MAML2: variants seen among roughly 807,000 people sequenced by gnomAD.
The protein encoded by MAML2 is mastermind-like protein 2.
MAML2 carries 22 observed loss-of-function variants against 96.1 expected under a neutral mutation model. The ratio of observed to expected loss-of-function variants is 0.23; its 90% CI spans 0.16 to 0.33. The LOEUF is 0.33. Among genes scored for constraint, MAML2 ranks in the 10% least tolerant of loss-of-function variants. The pLI, the probability that MAML2 is intolerant of heterozygous loss-of-function variation, is 1.00. For synonymous variants in MAML2, 561 were observed against 521.3 expected, an observed-to-expected ratio of 1.08 and a Z score of -1.04; for missense variants, 1,367 against 1,392.4, an observed-to-expected ratio of 0.98 and a Z score of 0.29.
chr11:96,305,770 G>A (rs975505972), intron 1 of MAML2, among the ~76,000 whole-genome samples: 5 of 152,036 alleles, frequency 3.3e-5, no homozygotes, highest in Admixed American at 2.6e-4. Flanking sequence ...TTAGAAGTAC[G>A]GTAACTGGAA....
intron 1 of MAML2, among the ~76,000 whole-genome samples, chr11:96,302,618 T>C (rs1432314613): frequency 6.6e-6 from 1 of 152,214 alleles, no homozygotes; most frequent in Non-Finnish European, 1.5e-5. Context: ...ATTTTCCACT[T>C]CTTGCTATCT....
intron 2 of MAML2, among the ~76,000 whole-genome samples, chr11:96,067,908 A>AT (rs1260168829): frequency 1.3e-5 from 2 of 152,086 alleles, no homozygotes; most frequent in East Asian, 1.9e-4. Context: ...GAATTCTAAC[A>AT]TTTTTTTCCT....
chr11:96,296,000 T>A lies in MAML2; in HGVS notation c.513+45383A>T, dbSNP rs189868012. Among the ~76,000 whole-genome samples, 8 of 147,776 alleles carry A rather than the reference T, an allele frequency of 5.4e-5. No homozygotes were observed. In the East Asian group the frequency reaches 1.6e-3, roughly 29 times the overall value. On this transcript the variant is annotated intron_variant, in intron 1 of 4. Coordinates refer to ENST00000524717, the MANE Select transcript of MAML2 (RefSeq NM_032427.4). ...CACACGAAACTAATGTTTCAGCAAATAAAACTCCTACTGTATGCAGTACAT... is the reference window on the plus strand; with the variant it reads ...CACACGAAACTAATGTTTCAGCAAAAAAAACTCCTACTGTATGCAGTACAT...
chr11:96,159,645 C>G (rs915880590), intron 1 of MAML2, among the ~76,000 whole-genome samples: 1 of 151,996 alleles, frequency 6.6e-6, no homozygotes, highest in Middle Eastern at 3.2e-3. Context: ...AGGATGGTCT[C>G]GATCTCCTGA....
chr11:95,985,647 A>G lies in MAML2; in HGVS notation c.2344-5T>C, dbSNP rs753263931. ...ATCTTGTGGAGCAATTTTCTCCTTG[A>G]GAAATGATATGAAAGCATATTATGT... is the stretch of plus-strand genomic sequence containing the variant. On this transcript the variant is annotated splice_polypyrimidine_tract_variant and splice_region_variant and intron_variant, in intron 3 of 4. Coordinates refer to ENST00000524717, the MANE Select transcript of MAML2 (RefSeq NM_032427.4). 6.4e-7 allele frequency: 1 copy of G among 1,560,920 alleles called. No homozygotes were observed. The highest frequency in any genetic ancestry group is 1.1e-5 in the South Asian group (1 of 88,746).
intron 2 of MAML2, among the ~76,000 whole-genome samples, chr11:96,068,804 T>C: frequency 7.0e-6 from 1 of 142,420 alleles, no homozygotes; most frequent in Admixed American, 7.3e-5. Context: ...CACTCCAGCC[T>C]GGGCGACAGA....
In MAML2 at chr11:96,159,444, G is replaced by T. The variant is rs1360050323; in HGVS notation, c.514-65927C>A. Among the ~76,000 whole-genome samples the T allele has an allele frequency of 1.0e-4, 8 of 79,794 alleles. No individual in the cohort carries two copies. The Admixed American group carries it at 1.6e-3, about 16-fold the overall frequency. The allele number at this position is 79,794 out of a possible 152,430, so 52.3% of individuals were successfully genotyped here. A position where few individuals can be genotyped will look rare whatever the true frequency, so the allele number is the denominator to read the frequency against. On this transcript the variant is annotated intron_variant, in intron 1 of 4. Coordinates refer to ENST00000524717, the MANE Select transcript of MAML2 (RefSeq NM_032427.4). ...TTTTTTTTTTTTGAGACGGAGTCTC[G>T]CTCTGTCACCCAGGCTGGAGTGCAG...
chr11:96,162,488 C>T (rs1018518021), intron 1 of MAML2, among the ~76,000 whole-genome samples: 5 of 151,412 alleles, frequency 3.3e-5, no homozygotes, highest in East Asian at 1.9e-4. Flanking sequence ...CTGAGGCGGG[C>T]GGATCACCTG....
chr11:96,258,537 A>G (rs1054073237), intron 1 of MAML2, among the ~76,000 whole-genome samples: 2 of 152,162 alleles, frequency 1.3e-5, no homozygotes, highest in African/African-American at 4.8e-5. Flanking sequence ...GTGATTTGCA[A>G]TGGGCTTCTC....
At chr11:95,996,862 G>T (rs969857734) in intron 2 of MAML2, among the ~76,000 whole-genome samples, 5 of 152,138 alleles carry the variant, frequency 3.3e-5, no homozygotes, top group African/African-American at 1.2e-4. Context: ...GAACTTAATA[G>T]AAATCATCTG....
chr11:96,324,820 T>C (rs1282734638), intron 1 of MAML2, among the ~76,000 whole-genome samples: 1 of 152,206 alleles, frequency 6.6e-6, no homozygotes, highest in Non-Finnish European at 1.5e-5. Context: ...GAGACCAATC[T>C]TGGTGGCAGA....
intron 1 of MAML2, among the ~76,000 whole-genome samples, chr11:96,154,857 A>G (rs1860985094): frequency 6.6e-6 from 1 of 152,182 alleles, no homozygotes; most frequent in Admixed American, 6.5e-5. Context: ...GATGTCCTGG[A>G]GGAAGCATTA....
intron 1 of MAML2, among the ~76,000 whole-genome samples, chr11:96,184,852 C>T (rs1167676830): frequency 6.6e-6 from 1 of 152,084 alleles, no homozygotes; most frequent in East Asian, 1.9e-4. Context: ...CCTCGGCCTC[C>T]CAAAGTGCTG....
At chr11:96,088,900 C>A (rs924602516) in intron 2 of MAML2, among the ~76,000 whole-genome samples, 2 of 151,990 alleles carry the variant, frequency 1.3e-5, no homozygotes, top group Non-Finnish European at 2.9e-5. Flanking sequence ...GGGAAGGTCA[C>A]CTTGCATATC....
At chr11:96,015,518 C>A (rs1344203085) in intron 2 of MAML2, among the ~76,000 whole-genome samples, 2 of 131,576 alleles carry the variant, frequency 1.5e-5, no homozygotes, top group Admixed American at 9.3e-5. Context: ...TCTATTGGGC[C>A]AATTCAATAG....
intron 2 of MAML2, among the ~76,000 whole-genome samples, chr11:96,006,211 TCA>T (rs201309395): frequency 0.012 from 1,754 of 152,292 alleles, 29 homozygotes; most frequent in South Asian, 0.059. Flanking sequence ...TCCCTAAGAA[TCA>T]CTAAGGGATG....
intron 1 of MAML2, among the ~76,000 whole-genome samples, chr11:96,324,507 A>C (rs1204898254): frequency 6.6e-6 from 1 of 152,204 alleles, no homozygotes; most frequent in Non-Finnish European, 1.5e-5. Flanking sequence ...TGCTTGCCAC[A>C]GGGTAGTTCA....
At chr11:96,047,930 A>AAAAAAAAAAAAAAAG (rs1555001442) in intron 2 of MAML2, among the ~76,000 whole-genome samples, 2 of 127,396 alleles carry the variant, frequency 1.6e-5, no homozygotes, top group Non-Finnish European at 3.3e-5. Flanking sequence ...AAAAAAAAAA[A>AAAAAAAAAAAAAAAG]AAAAGAAAAA....
intron 2 of MAML2, among the ~76,000 whole-genome samples, chr11:96,081,043 A>G (rs1195718823): frequency 6.6e-6 from 1 of 152,166 alleles, no homozygotes; most frequent in Non-Finnish European, 1.5e-5. Context: ...TTAAGCTACA[A>G]CACTGGTTTG....
Sources: allele counts gnomAD v4.1 joint callset (sites outside exome capture counted in the v4.1 genomes callset), GRCh38; gene constraint gnomAD v4.1.1; transcripts MANE v1.5; gene names NCBI Gene and HGNC (gene_info 2026-07-23, HGNC 2026-07-21).